Variants in SDK1 observed in about 807,000 individuals in gnomAD.
The protein encoded by SDK1 is sidekick cell adhesion molecule 1.
Under a neutral mutation model 245.5 loss-of-function variants are expected in SDK1, and 157 were observed. That is an observed-to-expected ratio of 0.64 (90% CI 0.56 to 0.73). SDK1 has a LOEUF of 0.73. SDK1 is among the 30% of genes least tolerant of loss of function. The probability of loss-of-function intolerance (pLI) is 0.00; values close to 1 mark genes in which losing one functional copy is unlikely to be tolerated. For synonymous variants in SDK1, 1,647 were observed against 1,278.5 expected, an observed-to-expected ratio of 1.29 and a Z score of -6.15; for missense variants, 3,583 against 3,002.3, an observed-to-expected ratio of 1.19 and a Z score of -4.52.
At chr7:3,581,752 C>G (rs1162033184) in intron 1 of SDK1, among the ~76,000 whole-genome samples, 1 of 152,170 alleles carries the variant, frequency 6.6e-6, no homozygotes, top group Non-Finnish European at 1.5e-5. Flanking sequence ...AACCTAAATG[C>G]TCATCAATGT....
chr7:4,120,585 C>G lies in SDK1; in HGVS notation c.3823+6311C>G, dbSNP rs1350170820. 8.7e-5 allele frequency among the ~76,000 whole-genome samples: 13 copies of G among 148,768 alleles called. 2 individuals are homozygous for G. The highest frequency in any genetic ancestry group is 8.7e-4 in the Admixed American group (13 of 14,956). ...TATATAAAAATGAAGACAATTTAAT[C>G]AAAATAGATATATTGTTTTGATAAT... On this transcript the variant is annotated intron_variant, in intron 25 of 44. Transcript: ENST00000404826.
At chr7:3,687,100 C>CACACAG (rs57916967) in intron 4 of SDK1, among the ~76,000 whole-genome samples, 1 of 146,832 alleles carries the variant, frequency 6.8e-6, no homozygotes, top group Non-Finnish European at 1.5e-5. Context: ...CACACACACA[C>CACACAG]CACCCTGTAT....
At chr7:3,635,726 A>T (rs1782437108) in intron 2 of SDK1, among the ~76,000 whole-genome samples, 1 of 151,534 alleles carries the variant, frequency 6.6e-6, no homozygotes, top group South Asian at 2.1e-4. Context: ...TTTTTTCTTG[A>T]GACAGGATCT....
intron 14 of SDK1, among the ~76,000 whole-genome samples, chr7:3,987,594 G>A (rs1023786662): frequency 1.1e-4 from 16 of 152,132 alleles, no homozygotes; most frequent in Admixed American, 4.6e-4. Context: ...GGGCTGCCCC[G>A]CACAGTGTCA....
intron 1 of SDK1, among the ~76,000 whole-genome samples, chr7:3,423,011 A>G (rs1226626103): frequency 6.6e-6 from 1 of 152,242 alleles, no homozygotes; most frequent in East Asian, 1.9e-4. Flanking sequence ...CATTATAGAT[A>G]TGTTAGTTTT....
intron 32 of SDK1, among the ~76,000 whole-genome samples, chr7:4,172,657 C>T (rs1781922683): frequency 6.6e-6 from 1 of 152,184 alleles, no homozygotes; most frequent in African/African-American, 2.4e-5. Flanking sequence ...TATTCTCTCA[C>T]AGCTCTGGGG....
intron 4 of SDK1, among the ~76,000 whole-genome samples, chr7:3,666,741 C>T (rs567967095): frequency 6.6e-6 from 1 of 152,248 alleles, no homozygotes; most frequent in South Asian, 2.1e-4. Context: ...TGTCAAAGTA[C>T]ATTTGTGAAA....
At chr7:4,115,211 G>C (rs375654433) in intron 25 of SDK1, among the ~76,000 whole-genome samples, 2 of 152,196 alleles carry the variant, frequency 1.3e-5, no homozygotes, top group African/African-American at 4.8e-5. Flanking sequence ...GTCTGGAGAA[G>C]GAATGAACCA....
chr7:3,717,992 C>G (rs1785251719), intron 4 of SDK1, among the ~76,000 whole-genome samples: 1 of 151,830 alleles, frequency 6.6e-6, no homozygotes, highest in Non-Finnish European at 1.5e-5. Flanking sequence ...CTTTATGTCT[C>G]ATGAATATAG....
Position 4,049,386 on chromosome 7 carries a change from G to T in SDK1, c.2641G>T (p.Val881Leu), listed in dbSNP as rs752599311. ...APPQNVQTEA[V>L]NSTTIQFLWN... ...CCCGCAGAACGTGCAGACGGAAGCC[G>T]TGAACTCCACCACCATTCAGTTCCT... is the stretch of plus-strand genomic sequence containing the variant. Residue 881 changes from valine (V) to leucine (L), a missense_variant, in exon 18 of 45, where the codon GTG (valine) becomes TTG (leucine). Physicochemically the swap from Val to Leu is conservative, Grantham distance 32. Transcript: ENST00000404826. The T allele has an allele frequency of 6.2e-7, 1 of 1,614,064 alleles. No individual in the cohort carries two copies. Among genetic ancestry groups the T allele is most frequent in the Admixed American group, 1.7e-5 (1 of 60,024 alleles).
chr7:3,933,094 G>A (rs1189758907), intron 5 of SDK1, among the ~76,000 whole-genome samples: 1 of 146,718 alleles, frequency 6.8e-6, no homozygotes, highest in Non-Finnish European at 1.5e-5. Context: ...TCCATCCTCC[G>A]CATCCTCCGG....
intron 14 of SDK1, among the ~76,000 whole-genome samples, chr7:3,996,624 C>T (rs1041700473): frequency 3.9e-5 from 6 of 152,132 alleles, no homozygotes; most frequent in East Asian, 3.8e-4. Flanking sequence ...AGCAATTTTT[C>T]CCCATTTCGT....
intron 4 of SDK1, among the ~76,000 whole-genome samples, chr7:3,648,154 T>A (rs1782905830): frequency 6.6e-6 from 1 of 152,248 alleles, no homozygotes; most frequent in East Asian, 1.9e-4. Context: ...TGTGTTATTT[T>A]GGTTTAGATA....
intron 17 of SDK1, among the ~76,000 whole-genome samples, chr7:4,045,035 A>G (rs1788918585): frequency 6.6e-6 from 1 of 152,146 alleles, no homozygotes; most frequent in South Asian, 2.1e-4. Flanking sequence ...TGCAGTCTTC[A>G]GAACCTGGCT....
intron 1 of SDK1, among the ~76,000 whole-genome samples, chr7:3,607,021 TAAAAAG>T (rs1359804107): frequency 6.6e-6 from 1 of 152,160 alleles, no homozygotes; most frequent in Non-Finnish European, 1.5e-5. Flanking sequence ...GCTGTTTTGA[TAAAAAG>T]AGAAAGGGCT....
chr7:3,747,075 C>G (rs1217121365), intron 4 of SDK1, among the ~76,000 whole-genome samples: 3 of 152,142 alleles, frequency 2.0e-5, no homozygotes, highest in African/African-American at 7.2e-5. Context: ...GGCATGAAAC[C>G]AACATTCATC....
intron 4 of SDK1, among the ~76,000 whole-genome samples, chr7:3,754,575 G>A (rs1779863283): frequency 6.6e-6 from 1 of 151,456 alleles, no homozygotes; most frequent in Non-Finnish European, 1.5e-5. Context: ...CCTGTTCCCT[G>A]CATTCTCCAG....
chr7:3,544,391 T>G (rs1882430), intron 1 of SDK1, among the ~76,000 whole-genome samples: 2 of 152,256 alleles, frequency 1.3e-5, no homozygotes, highest in African/African-American at 4.8e-5. Context: ...ACAGGCAGCA[T>G]GGGGCCTGTA....
intron 4 of SDK1, among the ~76,000 whole-genome samples, chr7:3,665,499 A>G (rs967831430): frequency 1.1e-4 from 16 of 152,202 alleles, no homozygotes; most frequent in Admixed American, 2.6e-4. Flanking sequence ...ACAACACACC[A>G]TAGCACACCA....
Sources: allele counts gnomAD v4.1 joint callset (sites outside exome capture counted in the v4.1 genomes callset), GRCh38; gene constraint gnomAD v4.1.1; transcripts MANE v1.5; gene names NCBI Gene and HGNC (gene_info 2026-07-23, HGNC 2026-07-21).